Variants in DPY19L2 observed in about 807,000 individuals in gnomAD.
DPY19L2 encodes dpy-19 like 2, also known as probable C-mannosyltransferase DPY19L2.
In DPY19L2, 34 loss-of-function variants were observed where a neutral mutation model predicts 97.9. The observed-to-expected ratio is 0.35, with a 90% CI of 0.26 to 0.46. DPY19L2 has a LOEUF of 0.46. Among genes scored for constraint, DPY19L2 ranks in the 20% least tolerant of loss-of-function variants. The pLI, the probability that DPY19L2 is intolerant of heterozygous loss-of-function variation, is 1.00. For missense variants in DPY19L2, 623 were observed against 911.4 expected, an observed-to-expected ratio of 0.68 and a Z score of 4.07; for synonymous variants, 230 against 307.9, an observed-to-expected ratio of 0.75 and a Z score of 2.65.
intron 4 of DPY19L2, among the ~76,000 whole-genome samples, chr12:63,654,751 G>A (rs984310180): frequency 1.3e-5 from 2 of 152,058 alleles, no homozygotes; most frequent in African/African-American, 2.4e-5. Flanking sequence ...AAAAGTCATC[G>A]TTAAATTATT....
intron 7 of DPY19L2, among the ~76,000 whole-genome samples, chr12:63,626,136 G>T (rs1317584596): frequency 6.6e-6 from 1 of 151,268 alleles, no homozygotes; most frequent in African/African-American, 2.4e-5. Flanking sequence ...GTATGGTGAG[G>T]CTACCACCAC....
chr12:63,637,536 A>G (rs1308383125), intron 6 of DPY19L2, among the ~76,000 whole-genome samples: 1 of 152,148 alleles, frequency 6.6e-6, no homozygotes, highest in Non-Finnish European at 1.5e-5. Flanking sequence ...GGATATCACC[A>G]CCGATTACTC....
chr12:63,638,271 C>G (rs10784364), intron 6 of DPY19L2, among the ~76,000 whole-genome samples: 1 of 151,966 alleles, frequency 6.6e-6, no homozygotes, highest in Non-Finnish European at 1.5e-5. Context: ...GGGCAAAAAC[C>G]GGAAGCATTC....
intron 16 of DPY19L2, among the ~76,000 whole-genome samples, chr12:63,588,877 C>A (rs1882312938): frequency 6.6e-6 from 1 of 151,646 alleles, no homozygotes; most frequent in African/African-American, 2.4e-5. Flanking sequence ...CCTCAGCCTA[C>A]CGAGTAGCTG....
At chr12:63,621,136 C>G in intron 9 of DPY19L2, 102 bp downstream of exon 9, 1 of 860,970 alleles carries the variant, frequency 1.2e-6, no homozygotes, top group Non-Finnish European at 1.8e-6. Flanking sequence ...GATGCAAAAA[C>G]CACCATGGCA....
chr12:63,580,540 A>G (rs1880683963), intron 19 of DPY19L2, 122 bp downstream of exon 19: 1 of 1,033,664 alleles, frequency 9.7e-7, no homozygotes, highest in African/African-American at 1.6e-5. Flanking sequence ...ATGAATGCCT[A>G]TTTGTAAATC....
At chr12:63,632,660 A>C (rs1212735875) in intron 6 of DPY19L2, among the ~76,000 whole-genome samples, 1 of 152,180 alleles carries the variant, frequency 6.6e-6, no homozygotes, top group Non-Finnish European at 1.5e-5. Flanking sequence ...TATAGATTCA[A>C]TGGAATCCCC....
rs1878351364 is a variant in DPY19L2 at position 63,569,281 on chromosome 12, A to G, written c.2069T>C (p.Leu690Ser). 6.2e-7 allele frequency: 1 copy of G among 1,601,894 alleles called. No homozygotes were observed. ...AACATAATAATTCACATGTAACTCC[A>G]ACAATTTATCTCTTACTTCTTTGGC... ...KSAKEVRDKL[L>S]ELHVNYYVLE... Residue 690 changes from leucine (L) to serine (S), a missense_variant, in exon 21 of 22, where the codon TTG becomes TCG. Transcript: ENST00000324472.
At chr12:63,639,005 G>C (rs1315043401) in intron 6 of DPY19L2, among the ~76,000 whole-genome samples, 2 of 152,044 alleles carry the variant, frequency 1.3e-5, no homozygotes, top group African/African-American at 4.8e-5. Flanking sequence ...CCAAAACTGA[G>C]ATATAGATCA....
intron 9 of DPY19L2, among the ~76,000 whole-genome samples, chr12:63,620,851 A>G (rs762131418): frequency 6.6e-6 from 1 of 152,188 alleles, no homozygotes; most frequent in Non-Finnish European, 1.5e-5. Context: ...AATGTGGTAC[A>G]TATACACCAC....
At chr12:63,666,250 A>G (rs3884366) in intron 1 of DPY19L2, among the ~76,000 whole-genome samples, 25,353 of 151,968 alleles carry the variant, frequency 0.17, 2,278 homozygotes, top group East Asian at 0.28. Context: ...ACCAAGACGA[A>G]CCACTCTAGA....
In DPY19L2 at chr12:63,623,812, C is replaced by T. The variant is rs183906546; in HGVS notation, c.953+228G>A. On this transcript the variant is annotated intron_variant, in intron 8 of 21. Transcript: ENST00000324472. ...CTCCACCTCCTGGGTTCAAGCAATT[C>T]TCCTGCCTCAGCCTCCCAAGTAGCT... 2,381 of 369,768 alleles carry T rather than the reference C, an allele frequency of 6.4e-3. 4 individuals are homozygous for T. Among genetic ancestry groups the T allele is most frequent in the Non-Finnish European group, 9.3e-3 (1,778 of 191,040 alleles). The allele number at this position is 369,768 out of a possible 1,614,324, so 22.9% of individuals were successfully genotyped here.
At chr12:63,568,892 C>T (rs948120386) in intron 21 of DPY19L2, among the ~76,000 whole-genome samples, 2 of 151,790 alleles carry the variant, frequency 1.3e-5, no homozygotes, top group African/African-American at 4.8e-5. Flanking sequence ...TACAGAATGC[C>T]AATATCTCAC....
intron 6 of DPY19L2, among the ~76,000 whole-genome samples, chr12:63,631,179 C>A (rs1420521274): frequency 1.3e-5 from 2 of 152,012 alleles, no homozygotes; most frequent in Admixed American, 1.3e-4. Flanking sequence ...AGAGCAAACA[C>A]ATTCAAAAGC....
chr12:63,587,756 G>A (rs571824538), intron 16 of DPY19L2, among the ~76,000 whole-genome samples: 122 of 151,842 alleles, frequency 8.0e-4, no homozygotes, highest in African/African-American at 2.6e-3. Context: ...TATTTTTAGT[G>A]GAGACAGGGT....
intron 6 of DPY19L2, among the ~76,000 whole-genome samples, chr12:63,638,244 C>A (rs977839089): frequency 1.3e-5 from 2 of 152,098 alleles, no homozygotes. Flanking sequence ...AAACCCACAG[C>A]CAATATCATA....
chr12:63,636,528 A>T (rs1891730416), intron 6 of DPY19L2, among the ~76,000 whole-genome samples: 1 of 152,128 alleles, frequency 6.6e-6, no homozygotes, highest in African/African-American at 2.4e-5. Context: ...TATTCGGGAA[A>T]CCCATCTCAT....
rs147467068 is a variant in DPY19L2 at position 63,665,634 on chromosome 12, G to T, written c.362+201C>A. Reference sequence around the variant, plus strand: ...AGCAAAAATATTTTAATTCATAAGTGACTATTCCCCTAATGCATCTATTTT... The same window carrying T: ...AGCAAAAATATTTTAATTCATAAGTTACTATTCCCCTAATGCATCTATTTT... On this transcript the variant is annotated intron_variant, in intron 2 of 21. Transcript: ENST00000324472. Among the ~76,000 whole-genome samples, 10,030 of 152,158 alleles carry T rather than the reference G, an allele frequency of 0.066. 359 individuals carry two copies. Among genetic ancestry groups the T allele is most frequent in the Middle Eastern group, 0.095 (28 of 294 alleles).
chr12:63,580,822 A>G lies in DPY19L2; in HGVS notation c.1740T>C (p.Leu580=). The G allele has an allele frequency of 6.2e-7, 1 of 1,612,166 alleles. No individual in the cohort carries two copies. The highest frequency in any genetic ancestry group is 8.5e-7 in the Non-Finnish European group (1 of 1,179,304). ...LICSRQLFGW[L]FRRVRFEKVI... ...CCTTCTCAAAACGAACTCTGCGAAA[A>G]AGCCAGCCAAAGAGCTGAAACGAAA... Residue 580 remains leucine (L), a synonymous_variant, in exon 19 of 22, where the codon CTT becomes CTC. Transcript: ENST00000324472.
Sources: gnomAD v4.1 joint callset for allele counts (sites outside exome capture counted in the v4.1 genomes callset) on GRCh38, gnomAD v4.1.1 for gene constraint, MANE v1.5 for transcripts, NCBI Gene and HGNC (gene_info 2026-07-23, HGNC 2026-07-21) for gene names.